The following MYO3A variants were observed in gnomAD, a reference collection of about 807,000 sequenced individuals.
MYO3A encodes myosin-IIIa.
A neutral mutation model predicts 192.7 loss-of-function variants in MYO3A; 180 were observed. That is an observed-to-expected ratio of 0.93 (90% CI 0.83 to 1.06). The LOEUF is 1.06. MYO3A is among the 50% of genes least tolerant of loss of function. MYO3A has a pLI of 0.00. For synonymous variants in MYO3A, 628 were observed against 645.3 expected, an observed-to-expected ratio of 0.97 and a Z score of 0.41; for missense variants, 1,896 against 1,905.0, an observed-to-expected ratio of 1.00 and a Z score of 0.09.
intron 18 of MYO3A, among the ~76,000 whole-genome samples, chr10:26,121,392 T>C (rs78943371): frequency 0.01 from 1,534 of 152,252 alleles, 6 homozygotes; most frequent in Non-Finnish European, 0.017. Flanking sequence ...TGCCCTGTTA[T>C]TTTATTTTTA....
At chr10:26,064,110 T>A (rs956473442) in intron 10 of MYO3A, among the ~76,000 whole-genome samples, 1 of 151,896 alleles carries the variant, frequency 6.6e-6, no homozygotes, top group Non-Finnish European at 1.5e-5. Flanking sequence ...ATGAGGAAAA[T>A]TGGGGGAGAA....
chr10:26,154,175 G>T (rs1225090668), intron 24 of MYO3A, among the ~76,000 whole-genome samples: 1 of 151,894 alleles, frequency 6.6e-6, no homozygotes, highest in Non-Finnish European at 1.5e-5. Flanking sequence ...GGCAGTTTTT[G>T]TTTTTGTTTG....
Position 26,117,971 on chromosome 10 carries a change from C to T in MYO3A, c.1777-2705C>T, listed in dbSNP as rs138440297. On this transcript the variant is annotated intron_variant, in intron 17 of 34. Transcript: ENST00000642920. ...CAGACTCCCACCAACAGTGTAGGAG[C>T]GTTCCTTTTTCTCCACAACCTCACC... 4.5e-3 allele frequency among the ~76,000 whole-genome samples: 678 copies of T among 152,228 alleles called. 5 individuals are homozygous for T. Among genetic ancestry groups the T allele is most frequent in the African/African-American group, 0.014 (586 of 41,544 alleles).
At chr10:26,052,261 A>C (rs1207994894) in intron 10 of MYO3A, among the ~76,000 whole-genome samples, 2 of 152,188 alleles carry the variant, frequency 1.3e-5, no homozygotes, top group African/African-American at 4.8e-5. Flanking sequence ...CATTGCTACA[A>C]ATTTTATGAA....
intron 9 of MYO3A, among the ~76,000 whole-genome samples, chr10:26,024,679 A>G: frequency 6.6e-6 from 1 of 152,132 alleles, no homozygotes; most frequent in East Asian, 1.9e-4. Flanking sequence ...AAATTCCCTT[A>G]GCATTTGCTT....
intron 4 of MYO3A, among the ~76,000 whole-genome samples, chr10:25,979,317 G>A (rs573272197): frequency 1.4e-4 from 21 of 151,744 alleles, no homozygotes; most frequent in Admixed American, 9.2e-4. Context: ...AATCTAGTAA[G>A]CTTAAGTAGT....
chr10:25,979,444 GA>G (rs141641829), intron 4 of MYO3A, among the ~76,000 whole-genome samples: 13,955 of 148,234 alleles, frequency 0.094, 1,190 homozygotes, highest in African/African-American at 0.22. Flanking sequence ...TGACCATACA[GA>G]AAAAAGTTGA....
At chr10:26,017,521 G>A (rs756983512) in intron 7 of MYO3A, among the ~76,000 whole-genome samples, 18 of 152,132 alleles carry the variant, frequency 1.2e-4, no homozygotes, top group Non-Finnish European at 2.5e-4. Context: ...AACTGTTGGG[G>A]AAAGCGCTGC....
intron 14 of MYO3A, among the ~76,000 whole-genome samples, chr10:26,076,089 G>A (rs1404725275): frequency 1.3e-5 from 2 of 151,662 alleles, no homozygotes; most frequent in Non-Finnish European, 2.9e-5. Context: ...TTCCATAGTG[G>A]CTGTACTAGT....
Position 26,087,832 on chromosome 10 carries a change from G to A in MYO3A, c.1360-371G>A, listed in dbSNP as rs148939111. Among the ~76,000 whole-genome samples, 329 of 152,312 alleles carry A rather than the reference G, an allele frequency of 2.2e-3. 2 individuals are homozygous for A. The highest frequency in any genetic ancestry group is 7.5e-3 in the African/African-American group (312 of 41,580). ...GGGTTAGCAGCTTCTGTGGAAGCCA[G>A]TAAAGTGGTTCTGGCTTTGGGGACT... On this transcript the variant is annotated intron_variant, in intron 14 of 34. Transcript: ENST00000642920.
chr10:26,037,494 C>G (rs572861985), intron 10 of MYO3A, among the ~76,000 whole-genome samples: 25 of 152,270 alleles, frequency 1.6e-4, no homozygotes, highest in Admixed American at 9.8e-4. Flanking sequence ...TTAATAGATA[C>G]TTCCAAATCT....
At chr10:26,063,156 C>G (rs1202770821) in intron 10 of MYO3A, among the ~76,000 whole-genome samples, 1 of 151,872 alleles carries the variant, frequency 6.6e-6, no homozygotes, top group Non-Finnish European at 1.5e-5. Context: ...AACACTGGAG[C>G]TGAAGAGAAG....
At chr10:26,016,490 T>C (rs1219795744) in intron 6 of MYO3A, among the ~76,000 whole-genome samples, 1 of 152,104 alleles carries the variant, frequency 6.6e-6, no homozygotes, top group African/African-American at 2.4e-5. Context: ...CATGACAAAA[T>C]ATGTAAAATC....
intron 4 of MYO3A, among the ~76,000 whole-genome samples, chr10:25,970,242 A>T (rs927557554): frequency 6.6e-6 from 1 of 152,040 alleles, no homozygotes; most frequent in Non-Finnish European, 1.5e-5. Context: ...ATCATAAAAG[A>T]ATATTATCTG....
intron 10 of MYO3A, among the ~76,000 whole-genome samples, chr10:26,032,964 C>T (rs190527811): frequency 2.6e-4 from 39 of 152,338 alleles, no homozygotes; most frequent in African/African-American, 9.1e-4. Flanking sequence ...TTTCTGATAA[C>T]TATGTTTTCA....
chr10:26,128,345 C>T (rs774721264), intron 19 of MYO3A, 46 bp from the exon 20 acceptor site: 10 of 1,580,806 alleles, frequency 6.3e-6, no homozygotes, highest in African/African-American at 5.4e-5. Flanking sequence ...TTTTACATTA[C>T]CTCTTCAGGA....
chr10:26,000,421 C>T (rs1840719402), intron 6 of MYO3A, among the ~76,000 whole-genome samples: 1 of 152,140 alleles, frequency 6.6e-6, no homozygotes, highest in Non-Finnish European at 1.5e-5. Context: ...AAATAATGAA[C>T]ATTTATTCTA....
At chr10:26,070,002 G>T (rs957575230) in intron 12 of MYO3A, 109 bp from the exon 13 acceptor site, 4 of 734,730 alleles carry the variant, frequency 5.4e-6, no homozygotes, top group South Asian at 1.7e-5. Context: ...GGAATGAAAT[G>T]GTGTTTTTAT....
chr10:26,186,267 T>A (rs889533423), intron 31 of MYO3A, among the ~76,000 whole-genome samples: 1 of 57,588 alleles, frequency 1.7e-5, no homozygotes, highest in Non-Finnish European at 3.7e-5. Context: ...GATATCCTTC[T>A]TTTTTTTTTT....
Sources: allele counts gnomAD v4.1 joint callset (sites outside exome capture counted in the v4.1 genomes callset), GRCh38; gene constraint gnomAD v4.1.1; transcripts MANE v1.5; gene names NCBI Gene and HGNC (gene_info 2026-07-23, HGNC 2026-07-21).